GREB1L: variants seen among roughly 807,000 people sequenced by gnomAD.
GREB1L encodes GREB1-like protein.
A neutral mutation model predicts 200.8 loss-of-function variants in GREB1L; 17 were observed. The ratio of observed to expected loss-of-function variants is 0.08; its 90% confidence interval spans 0.06 to 0.13. GREB1L has a LOEUF of 0.13. Ranked by LOEUF, GREB1L falls within the 10% of genes least tolerant of loss-of-function variation. The probability of loss-of-function intolerance (pLI) is 1.00; values close to 1 mark genes in which losing one functional copy is unlikely to be tolerated. For synonymous variants in GREB1L, 789 were observed against 893.0 expected (o/e 0.88, Z 2.08); for missense variants, 1,657 against 2,367.7 (o/e 0.70, Z 6.23).
Position 21,434,565 on chromosome 18 carries a change from A to ATG in GREB1L, c.833-4950_833-4949dup, listed in dbSNP as rs1235249875. On this transcript the variant is annotated intron_variant, in intron 7 of 32. Coordinates refer to ENST00000424526, the MANE Select transcript of GREB1L (RefSeq NM_001142966.3). The stretch of plus-strand genomic sequence containing the variant: ...TGTGTATATATATGTGTGTATATAT[A>ATG]TGTGTGTATATATATATATATATAT... Among the ~76,000 whole-genome samples, 36 of 125,464 alleles carry ATG rather than the reference A, an allele frequency of 2.9e-4. 1 individual carries two copies. Among genetic ancestry groups the ATG allele is most frequent in the African/African-American group, 1.1e-3 (28 of 25,766 alleles). 82.3% of individuals were successfully genotyped at this position (125,464 alleles called of 152,430 possible). A position where few individuals can be genotyped will look rare whatever the true frequency, so the allele number is the denominator to read the frequency against.
At chr18:21,329,229 G>A (rs574835606) in intron 1 of GREB1L, among the ~76,000 whole-genome samples, 2 of 151,522 alleles carry the variant, frequency 1.3e-5, no homozygotes, top group African/African-American at 2.4e-5. Flanking sequence ...GGAGGCTGAG[G>A]CACGAGAATG....
At chr18:21,308,921 A>G (rs948405057) in intron 1 of GREB1L, among the ~76,000 whole-genome samples, 4 of 152,100 alleles carry the variant, frequency 2.6e-5, no homozygotes, top group Admixed American at 1.3e-4. Flanking sequence ...CTACTTCTAT[A>G]TGGTGACCTC....
intron 1 of GREB1L, among the ~76,000 whole-genome samples, chr18:21,356,747 A>G (rs1242517316): frequency 1.3e-5 from 2 of 152,194 alleles, no homozygotes; most frequent in Non-Finnish European, 2.9e-5. Flanking sequence ...AGAAACCTCC[A>G]TACTGTTTTC....
chr18:21,319,756 G>A (rs962457697), intron 1 of GREB1L, among the ~76,000 whole-genome samples: 25 of 152,148 alleles, frequency 1.6e-4, no homozygotes, highest in Non-Finnish European at 8.8e-5. Flanking sequence ...GCTGAAGATC[G>A]GAGACAAAGC....
intron 1 of GREB1L, among the ~76,000 whole-genome samples, chr18:21,325,807 T>A (rs979941377): frequency 1.6e-5 from 2 of 123,024 alleles, no homozygotes; most frequent in Non-Finnish European, 3.2e-5. Flanking sequence ...GAGCAAGACC[T>A]TGTCTCAAAA....
At chr18:21,511,668 AG>A (rs752314940) in intron 27 of GREB1L, among the ~76,000 whole-genome samples, 2 of 152,176 alleles carry the variant, frequency 1.3e-5, no homozygotes, top group Non-Finnish European at 2.9e-5. Flanking sequence ...TCTTTAAGAC[AG>A]GGTCTTGCTC....
At chr18:21,455,130 T>TA (rs796577315) in intron 15 of GREB1L, 83 of 145,758 alleles carry the variant, frequency 5.7e-4, no homozygotes, top group African/African-American at 1.4e-3. Flanking sequence ...TTTACAAGTC[T>TA]AAAAAAAAAA....
At chr18:21,276,397 A>G (rs1236757438) in intron 1 of GREB1L, among the ~76,000 whole-genome samples, 3 of 151,802 alleles carry the variant, frequency 2.0e-5, no homozygotes, top group Non-Finnish European at 4.4e-5. Flanking sequence ...GTTCATTCCC[A>G]CCCGTTCTAC....
chr18:21,480,475 A>G (rs764961359), intron 17 of GREB1L, among the ~76,000 whole-genome samples: 40 of 152,304 alleles, frequency 2.6e-4, no homozygotes, highest in Middle Eastern at 3.4e-3. Context: ...ACTCTTCTTC[A>G]ATTTAAGATT....
intron 15 of GREB1L, among the ~76,000 whole-genome samples, chr18:21,463,023 GA>G (rs1433618946): frequency 2.7e-5 from 4 of 149,380 alleles, no homozygotes; most frequent in African/African-American, 7.4e-5. Flanking sequence ...AGATTGGAAA[GA>G]AATCTTGAAT....
At chr18:21,244,661 T>C (rs1175521809) in intron 1 of GREB1L, among the ~76,000 whole-genome samples, 2 of 152,188 alleles carry the variant, frequency 1.3e-5, no homozygotes, top group African/African-American at 4.8e-5. Flanking sequence ...GAATGGTGGA[T>C]TCATGAAGAG....
At chr18:21,285,594 C>A (rs1438099372) in intron 1 of GREB1L, among the ~76,000 whole-genome samples, 1 of 152,126 alleles carries the variant, frequency 6.6e-6, no homozygotes, top group East Asian at 1.9e-4. Flanking sequence ...GTTGTTAGAA[C>A]AAATCAACCA....
chr18:21,444,130 T>C, intron 10 of GREB1L, 94 bp from the exon 11 acceptor site: 1 of 833,036 alleles, frequency 1.2e-6, no homozygotes, highest in Admixed American at 3.0e-5. Flanking sequence ...GCAGGGAATT[T>C]TGTTAAGCAG....
At chr18:21,402,670 A>G in intron 6 of GREB1L, among the ~76,000 whole-genome samples, 1 of 151,696 alleles carries the variant, frequency 6.6e-6, no homozygotes, top group East Asian at 1.9e-4. Flanking sequence ...CTACAGATAC[A>G]CACCACTGTG....
Position 21,499,936 on chromosome 18 carries a change from A to G in GREB1L, c.3599A>G (p.Lys1200Arg). 1.3e-6 allele frequency: 2 copies of G among 1,550,418 alleles called. No individual in the cohort carries two copies. Among genetic ancestry groups the G allele is most frequent in the Non-Finnish European group, 1.7e-6 (2 of 1,146,388 alleles). Residue 1200 changes from lysine (K) to arginine (R), a missense_variant, in exon 22 of 33, where the codon AAG (lysine) becomes AGG (arginine). Transcript: ENST00000424526. ...GPQMASSTTS[K>R]PSSSSSGPRT... ...CAGATGGCGAGCAGCACCACCTCCA[A>G]GCCGTCATCATCATCCTCAGGACCC...
At chr18:21,433,500 T>C (rs191416142) in intron 7 of GREB1L, among the ~76,000 whole-genome samples, 2 of 152,362 alleles carry the variant, frequency 1.3e-5, no homozygotes, top group Non-Finnish European at 2.9e-5. Flanking sequence ...ATTCTTGTCC[T>C]GTAAGGCTCT....
chr18:21,320,885 T>C (rs1384736363), intron 1 of GREB1L, among the ~76,000 whole-genome samples: 3 of 151,732 alleles, frequency 2.0e-5, no homozygotes, highest in African/African-American at 7.3e-5. Flanking sequence ...GAAAATGAAA[T>C]GACAATGAAG....
chr18:21,525,767 A>ATATC lies in GREB1L; in HGVS notation c.*2948_*2951dup, dbSNP rs1474647527. 1.3e-5 allele frequency among the ~76,000 whole-genome samples: 2 copies of ATATC among 152,244 alleles called. No individual in the cohort carries two copies. The highest frequency in any genetic ancestry group is 2.4e-5 in the African/African-American group (1 of 41,472). ...AGATGCTGTTATTGTAGTATGAATT[A>ATATC]TATCTTCTTAAAAAATTTTACCAAC... On this transcript the variant is annotated 3_prime_UTR_variant, in exon 33 of 33. Transcript: ENST00000424526.
At chr18:21,375,297 C>T (rs1430850005) in intron 2 of GREB1L, among the ~76,000 whole-genome samples, 2 of 151,700 alleles carry the variant, frequency 1.3e-5, no homozygotes, top group Non-Finnish European at 2.9e-5. Flanking sequence ...CTTCTGACCT[C>T]GTGATTCATC....
Sources: allele counts gnomAD v4.1 joint callset (sites outside exome capture counted in the v4.1 genomes callset), GRCh38; gene constraint gnomAD v4.1.1; transcripts MANE v1.5; gene names NCBI Gene and HGNC (gene_info 2026-07-23, HGNC 2026-07-21).